The following AFF2 variants were observed in gnomAD, a reference collection of about 807,000 sequenced individuals.
AFF2 encodes the protein ALF transcription elongation factor 2, also known as AF4/FMR2 family member 2.
Under a neutral mutation model 76.9 loss-of-function variants are expected in AFF2, and 14 were observed. The ratio of observed to expected loss-of-function variants is 0.18; its 90% CI spans 0.12 to 0.28. The LOEUF (loss-of-function observed/expected upper bound fraction) is 0.28. AFF2 is among the 10% of genes least tolerant of loss of function. AFF2 has a pLI of 1.00. For synonymous variants in AFF2, 398 were observed against 366.7 expected (o/e 1.09, Z -0.98); for missense variants, 868 against 1,001.1 (o/e 0.87, Z 1.79).
chrX:148,507,822 A>G (rs1481023583), intron 1 of AFF2, among the ~76,000 whole-genome samples: 1 of 112,157 alleles, frequency 8.9e-6, no homozygotes, highest in East Asian at 2.8e-4. Flanking sequence ...TACTGAGCTG[A>G]AAAAAAGTTA....
intron 1 of AFF2, among the ~76,000 whole-genome samples, chrX:148,583,524 C>T (rs1356805716): frequency 9.0e-6 from 1 of 111,549 alleles, no homozygotes; most frequent in Non-Finnish European, 1.9e-5. Context: ...TCCTAAAAGT[C>T]CCTGCAAATG....
intron 1 of AFF2, among the ~76,000 whole-genome samples, chrX:148,645,202 A>G (rs1481959366): frequency 8.9e-6 from 1 of 111,862 alleles, no homozygotes; most frequent in Non-Finnish European, 1.9e-5. Flanking sequence ...CCCAAAAGCT[A>G]TAAAGAGATT....
At chrX:148,613,713 A>G (rs1331415067) in intron 1 of AFF2, among the ~76,000 whole-genome samples, 1 of 111,299 alleles carries the variant, frequency 9.0e-6, no homozygotes, top group Non-Finnish European at 1.9e-5. Flanking sequence ...CATCTGAGCC[A>G]TATCTCTCTC....
intron 1 of AFF2, among the ~76,000 whole-genome samples, chrX:148,603,222 G>GA (rs199616052): frequency 9.2e-6 from 1 of 109,191 alleles, no homozygotes; most frequent in Non-Finnish European, 1.9e-5. Context: ...GTGTAAAGAG[G>GA]AAAAAAAAAT....
intron 9 of AFF2, among the ~76,000 whole-genome samples, chrX:148,946,017 C>T (rs6641476): frequency 0.085 from 9,469 of 111,740 alleles, 513 homozygotes; most frequent in African/African-American, 0.2. Context: ...ACAACCAAGC[C>T]CTGATTAGTT....
At position 148,962,739 on chromosome X, in the gene AFF2, T is replaced by C. The variant is rs782077318; in HGVS notation, c.2715T>C (p.Asn905=). ...TRENNSSRRA[N]RRKEEKLFPP... is the part of the protein sequence containing the mutation. ...GAAATAATTCATCCAGGAGAGCAAA[T>C]AGAAGAAAGGAAGAAAAACTATTTC... is the stretch of plus-strand genomic sequence containing the variant. Residue 905 remains asparagine, a synonymous_variant, in exon 13 of 21, where the codon AAT becomes AAC. Transcript: ENST00000370460. 6 of 1,207,216 alleles carry C rather than the reference T, an allele frequency of 5.0e-6. No individual in the cohort carries two copies. Among genetic ancestry groups the C allele is most frequent in the Non-Finnish European group, 6.7e-6 (6 of 893,345 alleles).
intron 1 of AFF2, among the ~76,000 whole-genome samples, chrX:148,511,209 A>T: frequency 9.0e-6 from 1 of 110,856 alleles, no homozygotes; most frequent in South Asian, 3.9e-4. Context: ...GTATACCTAC[A>T]TTTAATATCT....
chrX:148,955,486 T>C, intron 10 of AFF2, 117 bp from the exon 11 acceptor site: 1 of 741,996 alleles, frequency 1.3e-6, no homozygotes, highest in Non-Finnish European at 2.0e-6. Context: ...TGTATTTGTA[T>C]ATGTGTGAAC....
intron 3 of AFF2, among the ~76,000 whole-genome samples, chrX:148,743,584 G>C (rs1453519017): frequency 6.3e-5 from 7 of 111,202 alleles, no homozygotes; most frequent in Non-Finnish European, 1.9e-5. Flanking sequence ...GAGTGGGTGA[G>C]TGCACTTGAT....
At position 148,781,459 on chromosome X, in the gene AFF2, A is replaced by G. The variant is rs782463927; in HGVS notation, c.1042-28417A>G. Among the ~76,000 whole-genome samples, 507 of 112,401 alleles carry G rather than the reference A, an allele frequency of 4.5e-3. 5 individuals are homozygous for G. The highest frequency in any genetic ancestry group is 0.016 in the African/African-American group (488 of 30,942). ...GAATGTAAATAGGCAGTCTGACTAT[A>G]CCGGCTTTGTGGTGCTATGGTGGGC... On this transcript the variant is annotated intron_variant, in intron 3 of 20. Coordinates refer to ENST00000370460, the MANE Select transcript of AFF2 (RefSeq NM_002025.4).
chrX:148,897,279 G>C lies in AFF2; in HGVS notation c.1360-6942G>C, dbSNP rs1364710689. ...TATATATATATATATATATGTATAT[G>C]AAAAATATATATATCCATATGTGTG... On this transcript the variant is annotated intron_variant, in intron 8 of 20. Coordinates refer to ENST00000370460, the MANE Select transcript of AFF2 (RefSeq NM_002025.4). Among the ~76,000 whole-genome samples, 5 of 22,172 alleles carry C rather than the reference G, an allele frequency of 2.3e-4. No homozygotes were observed. In the Admixed American group the frequency reaches 2.7e-3, roughly 12 times the overall value. The allele number at this position is 22,172 out of a possible 115,157, so 19.3% of individuals were successfully genotyped here. A position where few individuals can be genotyped will look rare whatever the true frequency, so the allele number is the denominator to read the frequency against.
chrX:148,600,862 A>G (rs367628622), intron 1 of AFF2, among the ~76,000 whole-genome samples: 65 of 112,470 alleles, frequency 5.8e-4, no homozygotes, highest in African/African-American at 2.1e-3. Context: ...ATATTTGGAA[A>G]TATTTTAAAA....
At chrX:148,862,298 T>G (rs1225327335) in intron 7 of AFF2, among the ~76,000 whole-genome samples, 4 of 111,310 alleles carry the variant, frequency 3.6e-5, no homozygotes, top group Non-Finnish European at 5.7e-5. Context: ...CTTCAGACTG[T>G]GTCTTCCCTA....
chrX:148,817,368 A>G (rs535053184), intron 4 of AFF2, among the ~76,000 whole-genome samples: 1 of 111,274 alleles, frequency 9.0e-6, no homozygotes, highest in South Asian at 3.8e-4. Context: ...AATAAATATA[A>G]ACCGGTGGAT....
At chrX:148,915,466 T>C (rs1177945493) in intron 9 of AFF2, among the ~76,000 whole-genome samples, 2 of 112,443 alleles carry the variant, frequency 1.8e-5, no homozygotes, top group African/African-American at 6.5e-5. Flanking sequence ...AGCACCATAC[T>C]GTCACAACAA....
intron 1 of AFF2, among the ~76,000 whole-genome samples, chrX:148,530,305 G>A (rs912539272): frequency 1.8e-5 from 2 of 112,022 alleles, no homozygotes. Context: ...GGTAGCTATT[G>A]TTAATATTAT....
At chrX:148,721,835 C>A (rs190633972) in intron 3 of AFF2, among the ~76,000 whole-genome samples, 78 of 111,923 alleles carry the variant, frequency 7.0e-4, no homozygotes, top group Middle Eastern at 4.6e-3. Flanking sequence ...TAGCCCCGGG[C>A]GTTGCCGTAG....
intron 3 of AFF2, among the ~76,000 whole-genome samples, chrX:148,707,554 C>G (rs2054902200): frequency 9.2e-6 from 1 of 108,515 alleles, no homozygotes; most frequent in South Asian, 3.9e-4. Flanking sequence ...TTGAGTATCT[C>G]TTATTTGCCA....
chrX:148,934,273 G>A (rs1231655990), intron 9 of AFF2, among the ~76,000 whole-genome samples: 2 of 112,165 alleles, frequency 1.8e-5, no homozygotes, highest in African/African-American at 6.5e-5. Flanking sequence ...GGCCATAACC[G>A]ATCTTATCCA....
Sources: gnomAD v4.1 joint callset for allele counts (sites outside exome capture counted in the v4.1 genomes callset) on GRCh38, gnomAD v4.1.1 for gene constraint, MANE v1.5 for transcripts, NCBI Gene and HGNC (gene_info 2026-07-23, HGNC 2026-07-21) for gene names.